The following BRSK1 variants were observed in gnomAD, a reference collection of about 807,000 sequenced individuals.
The protein encoded by BRSK1 is serine/threonine-protein kinase BRSK1.
BRSK1 carries 17 observed loss-of-function variants against 86.2 expected under a neutral mutation model. The ratio of observed to expected loss-of-function variants is 0.20; its 90% CI spans 0.14 to 0.30. The LOEUF (loss-of-function observed/expected upper bound fraction) is 0.30. Among genes scored for constraint, BRSK1 ranks in the 10% least tolerant of loss-of-function variants. The pLI is 1.00. For missense variants in BRSK1, 719 were observed against 1,071.9 expected, an observed-to-expected ratio of 0.67 and a Z score of 4.60; for synonymous variants, 464 against 440.1, an observed-to-expected ratio of 1.05 and a Z score of -0.68.
chr19:55,297,099 C>T (rs1335443243), intron 7 of BRSK1, among the ~76,000 whole-genome samples: 3 of 152,112 alleles, frequency 2.0e-5, no homozygotes, highest in Non-Finnish European at 4.4e-5. Context: ...GTTTTTGAGA[C>T]GGATTCTTGC....
intron 4 of BRSK1, among the ~76,000 whole-genome samples, chr19:55,293,047 A>G (rs1234898785): frequency 6.6e-6 from 1 of 151,722 alleles, no homozygotes; most frequent in Non-Finnish European, 1.5e-5. Flanking sequence ...CCGAGAAGCA[A>G]TGCCCATCTC....
Position 55,302,725 on chromosome 19 carries a change from C to T in BRSK1, c.886C>T (p.Leu296=), listed in dbSNP as rs769287871. 1 of 1,612,446 alleles carries T rather than the reference C, an allele frequency of 6.2e-7. No individual in the cohort carries two copies. Among genetic ancestry groups the T allele is most frequent in the Non-Finnish European group, 8.5e-7 (1 of 1,179,056 alleles). ...LGGKHEPDPC[L]EPAPGRRVAM... ...CGGGAAACACGAGCCAGACCCGTGC[C>T]TGGAGCCAGCCCCTGGCCGCCGGGT... Residue 296 remains leucine, a synonymous_variant, in exon 10 of 19, where the codon CTG becomes TTG. Transcript: ENST00000309383. The surrounding 1 kb of genome is among the most constrained non-coding windows in gnomAD (Gnocchi z 6.3).
Position 55,294,489 on chromosome 19 carries a change from AATTT to A in BRSK1, c.678+99_678+102del. ...CCTTCCATCCTCAGGTCATCTCCTG[AATTT>A]ATTTATGAATTTTATTTATTTATTT... is the stretch of plus-strand genomic sequence containing the variant. On this transcript the variant is annotated intron_variant, in intron 7 of 18. Coordinates refer to ENST00000309383, the MANE Select transcript of BRSK1 (RefSeq NM_032430.2). This position sits in a 1 kb window ranked among gnomAD's most constrained non-coding sequence, Gnocchi z 4.9. 1 of 1,384,938 alleles carries A rather than the reference AATTT, an allele frequency of 7.2e-7. No individual in the cohort carries two copies. Among genetic ancestry groups the A allele is most frequent in the East Asian group, 2.5e-5 (1 of 40,302 alleles). The allele number at this position is 1,384,938 out of a possible 1,614,324, so 85.8% of individuals were successfully genotyped here.
In BRSK1 at chr19:55,284,547, G is replaced by T; in HGVS notation, c.105G>T (p.Arg35=). The part of the protein sequence containing the change: ...PQHAQYVGPY[R]LEKTLGKGQT... ...ACGCCCAATATGTGGGCCCCTATCG[G>T]CTGGAGAAGACGCTGGGCAAAGGAC... The change falls in exon 1 of 19, where the codon CGG becomes CGT. Residue 35 remains arginine (R), a synonymous_variant. Coordinates refer to ENST00000309383, the MANE Select transcript of BRSK1 (RefSeq NM_032430.2). 1 of 1,318,098 alleles carries T rather than the reference G, an allele frequency of 7.6e-7. No individual in the cohort carries two copies. Among genetic ancestry groups the T allele is most frequent in the Non-Finnish European group, 9.8e-7 (1 of 1,023,556 alleles). The allele number at this position is 1,318,098 out of a possible 1,614,324, so 81.7% of individuals were successfully genotyped here. A position where few individuals can be genotyped will look rare whatever the true frequency, so the allele number is the denominator to read the frequency against.
In BRSK1 at chr19:55,310,912, G is replaced by C. The variant is rs1320171545; in HGVS notation, c.2180-999G>C. On this transcript the variant is annotated intron_variant, in intron 18 of 18. Transcript: ENST00000309383. This position sits in a 1 kb window ranked among gnomAD's most constrained non-coding sequence, Gnocchi z 5.0. ...CATCTCATAAAGGAGAATGGGGTGG[G>C]GGGTGCAGGCCTCCGAGTCACCGTG... 6.6e-6 allele frequency among the ~76,000 whole-genome samples: 1 copy of C among 152,084 alleles called. No homozygotes were observed. Among genetic ancestry groups the C allele is most frequent in the Non-Finnish European group, 1.5e-5 (1 of 68,004 alleles).
At position 55,305,538 on chromosome 19, in the gene BRSK1, C is replaced by T; in HGVS notation, c.1842C>T (p.Asp614=). Residue 614 remains aspartate, a synonymous_variant, in exon 16 of 19, where the codon GAC becomes GAT. Transcript: ENST00000309383. ...AACAAATATTCCTCGTGCTAAAGGA[C>T]AAACCTCTCAGCAGCATCAAAGCAG... ...KEEQIFLVLK[D]KPLSSIKADI... 6.2e-7 allele frequency: 1 copy of T among 1,614,200 alleles called. No homozygotes were observed. The highest frequency in any genetic ancestry group is 8.5e-7 in the Non-Finnish European group (1 of 1,180,038).
chr19:55,304,870 T>C lies in BRSK1; in HGVS notation c.1667T>C (p.Ile556Thr), dbSNP rs1341745445. ...GCCTGGAGGAGTCGTCTCAACTCCA[T>C]CCGCAACAGCTTCCTGGGCTCCCCT... ...GAAWRSRLNS[I>T]RNSFLGSPRF... Residue 556 changes from isoleucine to threonine, a missense_variant, in exon 14 of 19, where the codon ATC (isoleucine) becomes ACC (threonine). Ile to Thr is a moderately conservative substitution (Grantham distance 89). Transcript: ENST00000309383. The surrounding 1 kb of genome is among the most constrained non-coding windows in gnomAD (Gnocchi z 5.2). The C allele has an allele frequency of 6.2e-7, 1 of 1,609,682 alleles. No homozygotes were observed. Among genetic ancestry groups the C allele is most frequent in the East Asian group, 2.2e-5 (1 of 44,860 alleles).
intron 4 of BRSK1, among the ~76,000 whole-genome samples, chr19:55,292,175 C>A (rs1237169810): frequency 2.0e-5 from 3 of 152,124 alleles, no homozygotes; most frequent in Admixed American, 6.6e-5. Flanking sequence ...CAGTTAATGA[C>A]CAGGCCAAAT....
At chr19:55,311,341 G>A (rs1006472595) in intron 18 of BRSK1, among the ~76,000 whole-genome samples, 1 of 152,110 alleles carries the variant, frequency 6.6e-6, no homozygotes, top group African/African-American at 2.4e-5. Context: ...GGAAATTGCT[G>A]GAGACCACCC....
rs2088271076 is a variant in BRSK1, at chr19:55,284,089, G to A, written c.-354G>A. On this transcript the variant is annotated 5_prime_UTR_variant, in exon 1 of 19. Transcript: ENST00000309383. Reference sequence around the variant, plus strand: ...GCGGAGGAGAGAGGGCGCGTGGGGGGGCGGGGGGGACCTCGGCCTGCAGCA... The same window carrying A: ...GCGGAGGAGAGAGGGCGCGTGGGGGAGCGGGGGGGACCTCGGCCTGCAGCA... 1.0e-5 allele frequency: 5 copies of A among 498,800 alleles called. No individual in the cohort carries two copies. The highest frequency in any genetic ancestry group is 2.0e-5 in the African/African-American group (1 of 50,348). The allele number at this position is 498,800 out of a possible 1,614,324, so 30.9% of individuals were successfully genotyped here.
Position 55,304,132 on chromosome 19 carries a change from G to A in BRSK1, c.1347+22G>A, listed in dbSNP as rs373126541. ...AAGGGTAAGGCCAGGTCCCCAGTGG[G>A]ATTTAAGAAGGAGAAAGGGGTGGAG... On this transcript the variant is annotated intron_variant, in intron 13 of 18. Transcript: ENST00000309383. This position sits in a 1 kb window ranked among gnomAD's most constrained non-coding sequence, Gnocchi z 5.2. 1.6e-4 allele frequency: 255 copies of A among 1,606,400 alleles called. 1 individual carries two copies. Among genetic ancestry groups the A allele is most frequent in the Non-Finnish European group, 2.0e-4 (238 of 1,176,890 alleles).
intron 7 of BRSK1, 51 bp from the exon 8 acceptor site, chr19:55,301,461 G>C (rs1304011306): frequency 6.3e-7 from 1 of 1,590,702 alleles, no homozygotes; most frequent in Non-Finnish European, 8.6e-7. Context: ...TCCAGTGCTT[G>C]TGGTGAGGGT....
At chr19:55,300,857 AAAG>A (rs1211826489) in intron 7 of BRSK1, among the ~76,000 whole-genome samples, 10 of 152,098 alleles carry the variant, frequency 6.6e-5, no homozygotes, top group Non-Finnish European at 1.5e-4. Context: ...AGAAAGAAAG[AAAG>A]AAAAGAAAAG....
chr19:55,288,542 C>A (rs2088357123), intron 3 of BRSK1, among the ~76,000 whole-genome samples: 1 of 151,704 alleles, frequency 6.6e-6, no homozygotes, highest in Non-Finnish European at 1.5e-5. Context: ...AAACTGGAAC[C>A]CCGTGTCCCA....
chr19:55,291,871 G>A (rs919867683), intron 4 of BRSK1, among the ~76,000 whole-genome samples: 5 of 152,170 alleles, frequency 3.3e-5, no homozygotes. Flanking sequence ...CGATTCTCCT[G>A]TCTCAACCTT....
At chr19:55,301,886 G>A (rs2088574661) in intron 8 of BRSK1, among the ~76,000 whole-genome samples, 1 of 152,188 alleles carries the variant, frequency 6.6e-6, no homozygotes, top group African/African-American at 2.4e-5. Flanking sequence ...GGGCGCAGGA[G>A]TAAGGAGGCG....
rs1285864166 is a variant in BRSK1 at position 55,310,688 on chromosome 19, A to G, written c.2180-1223A>G. ...CCTACAATTCACAGAACAGCCCCCC[A>G]CGACAGCTGGGTCCCAAATGGCAGT... On this transcript the variant is annotated intron_variant, in intron 18 of 18. Transcript: ENST00000309383. The surrounding 1 kb of genome is among the most constrained non-coding windows in gnomAD (Gnocchi z 5.0). Among the ~76,000 whole-genome samples the G allele has an allele frequency of 6.6e-6, 1 of 152,144 alleles. No individual in the cohort carries two copies. Among genetic ancestry groups the G allele is most frequent in the Non-Finnish European group, 1.5e-5 (1 of 68,004 alleles).
chr19:55,292,061 T>C (rs769811869), intron 4 of BRSK1, among the ~76,000 whole-genome samples: 4 of 152,082 alleles, frequency 2.6e-5, no homozygotes, highest in Non-Finnish European at 5.9e-5. Context: ...CACCCGGCCC[T>C]GTTTAAATTT....
intron 7 of BRSK1, among the ~76,000 whole-genome samples, chr19:55,299,365 GTTTT>G (rs1270587771): frequency 6.3e-5 from 9 of 143,054 alleles, no homozygotes; most frequent in African/African-American, 1.9e-4. Flanking sequence ...GTTATAATTT[GTTTT>G]GGTTTTTTTT....
Sources: gnomAD v4.1 joint callset for allele counts (sites outside exome capture counted in the v4.1 genomes callset) on GRCh38, gnomAD v4.1.1 for gene constraint, Gnocchi (gnomAD v3.1) non-coding constraint, MANE v1.5 for transcripts, NCBI Gene and HGNC (gene_info 2026-07-23, HGNC 2026-07-21) for gene names.